The following CEP170 variants were observed in gnomAD, a reference collection of about 807,000 sequenced individuals.
CEP170 encodes centrosomal protein 170.
In CEP170, 21 loss-of-function variants were observed where a neutral mutation model predicts 151.9. The ratio of observed to expected loss-of-function variants is 0.14; its 90% confidence interval spans 0.10 to 0.20. The LOEUF (loss-of-function observed/expected upper bound fraction) is 0.20, where lower values mean the gene tolerates loss of function less well. Ranked by LOEUF, CEP170 falls within the 10% of genes least tolerant of loss-of-function variation. The pLI is 1.00. For synonymous variants in CEP170, 356 were observed against 648.8 expected, an observed-to-expected ratio of 0.55 and a Z score of 6.86; for missense variants, 964 against 1,892.9, an observed-to-expected ratio of 0.51 and a Z score of 9.11.
At chr1:243,229,198 T>C (rs1208492983) in intron 1 of CEP170, among the ~76,000 whole-genome samples, 1 of 152,156 alleles carries the variant, frequency 6.6e-6, no homozygotes, top group Non-Finnish European at 1.5e-5. Flanking sequence ...TTCCGCTAAA[T>C]GGTGGGAAAG....
chr1:243,234,090 C>A (rs1360345053), intron 1 of CEP170, among the ~76,000 whole-genome samples: 1 of 152,168 alleles, frequency 6.6e-6, no homozygotes, highest in Non-Finnish European at 1.5e-5. Flanking sequence ...TGATTCATCA[C>A]CAGATGGCTT....
Position 243,140,017 on chromosome 1 carries a change from A to G in CEP170, c.4150T>C (p.Ser1384Pro), listed in dbSNP as rs2055638884. The G allele has an allele frequency of 1.2e-6, 2 of 1,613,986 alleles. No individual in the cohort carries two copies. Among genetic ancestry groups the G allele is most frequent in the Non-Finnish European group, 1.7e-6 (2 of 1,179,874 alleles). ...GCTGCTTGAGGTCTTGGATCACCAG[A>G]TCGACCGTTGTTTCCTTCTGGTGTT... ...SKTPEGNNGRSGDPRPQAAEP... is the reference protein window; with the variant it reads ...SKTPEGNNGRPGDPRPQAAEP... Residue 1384 changes from serine (S) to proline (P), a missense_variant, in exon 16 of 20, where the codon TCT becomes CCT. By Grantham distance (74) the Ser-to-Pro change is moderately conservative. Coordinates refer to ENST00000366542, the MANE Select transcript of CEP170 (RefSeq NM_014812.3).
At chr1:243,157,965 T>C (rs1242735647) in intron 13 of CEP170, among the ~76,000 whole-genome samples, 1 of 152,234 alleles carries the variant, frequency 6.6e-6, no homozygotes, top group African/African-American at 2.4e-5. Context: ...CAAATGCATA[T>C]ACTAGGTAAT....
At chr1:243,176,364 C>T (rs1350829277) in intron 10 of CEP170, among the ~76,000 whole-genome samples, 2 of 152,162 alleles carry the variant, frequency 1.3e-5, no homozygotes, top group African/African-American at 4.8e-5. Flanking sequence ...CCTTTGTGAA[C>T]TTGCACTTGC....
At chr1:243,163,260 A>C (rs897811337) in intron 13 of CEP170, 3 of 152,232 alleles carry the variant, frequency 2.0e-5, no homozygotes, top group Non-Finnish European at 4.4e-5. Context: ...TTAACTCAAG[A>C]CTTAGGGCTT....
chr1:243,216,243 G>A (rs1388718055), intron 3 of CEP170, among the ~76,000 whole-genome samples: 1 of 151,852 alleles, frequency 6.6e-6, no homozygotes, highest in Non-Finnish European at 1.5e-5. Context: ...GGGTACATGT[G>A]CACAATGTGC....
chr1:243,189,806 C>A (rs1336524346), intron 8 of CEP170, among the ~76,000 whole-genome samples: 2 of 152,074 alleles, frequency 1.3e-5, no homozygotes, highest in Non-Finnish European at 2.9e-5. Context: ...TATAAACAGC[C>A]TATGTGTTTG....
chr1:243,197,572 G>A (rs1008554395), intron 7 of CEP170, among the ~76,000 whole-genome samples: 2 of 151,938 alleles, frequency 1.3e-5, no homozygotes, highest in African/African-American at 2.4e-5. Context: ...TAACGTTTTC[G>A]CTTTCCTGTT....
chr1:243,248,836 C>T (rs757058968), intron 1 of CEP170, among the ~76,000 whole-genome samples: 22 of 152,120 alleles, frequency 1.4e-4, no homozygotes, highest in Non-Finnish European at 2.4e-4. Context: ...CTCTATGCAA[C>T]CTCATTTCCT....
At chr1:243,201,380 T>C (rs2061020241) in intron 4 of CEP170, among the ~76,000 whole-genome samples, 1 of 152,134 alleles carries the variant, frequency 6.6e-6, no homozygotes, top group South Asian at 2.1e-4. Flanking sequence ...CAAGGTCGTA[T>C]TACATTATCA....
chr1:243,190,587 A>C (rs1452061989), intron 8 of CEP170, among the ~76,000 whole-genome samples: 1 of 152,178 alleles, frequency 6.6e-6, no homozygotes, highest in Non-Finnish European at 1.5e-5. Context: ...TGCATTACCA[A>C]AGTAGAACTT....
intron 4 of CEP170, among the ~76,000 whole-genome samples, chr1:243,209,051 C>G (rs2061601174): frequency 6.6e-6 from 1 of 152,144 alleles, no homozygotes; most frequent in Non-Finnish European, 1.5e-5. Context: ...ATTTTAAAAG[C>G]TTGTATATTT....
intron 16 of CEP170, 35 bp from the exon 17 acceptor site, chr1:243,136,266 T>C (rs1316954477): frequency 7.1e-7 from 1 of 1,416,380 alleles, no homozygotes; most frequent in Non-Finnish European, 9.6e-7. Context: ...GATATTAAAA[T>C]ATTACCCCTG....
intron 1 of CEP170, among the ~76,000 whole-genome samples, chr1:243,226,697 A>G (rs946121359): frequency 3.9e-5 from 6 of 152,194 alleles, no homozygotes; most frequent in African/African-American, 1.4e-4. Context: ...TTATAGGAAA[A>G]TCCATCTTAT....
At chr1:243,144,593 A>G (rs2056245467) in intron 14 of CEP170, among the ~76,000 whole-genome samples, 1 of 152,152 alleles carries the variant, frequency 6.6e-6, no homozygotes, top group Non-Finnish European at 1.5e-5. Flanking sequence ...CCAAAACTCT[A>G]TTTTTCATTA....
chr1:243,167,873 A>G (rs1358817640), intron 12 of CEP170, among the ~76,000 whole-genome samples: 1 of 151,860 alleles, frequency 6.6e-6, no homozygotes. Flanking sequence ...AGTATTTCTC[A>G]TACTGCCCCC....
chr1:243,151,941 T>C (rs1321981360), intron 14 of CEP170, among the ~76,000 whole-genome samples: 2 of 152,106 alleles, frequency 1.3e-5, no homozygotes, highest in South Asian at 2.1e-4. Flanking sequence ...CCAAAAGTCA[T>C]AGGGCCCTTA....
chr1:243,176,659 T>G (rs1246312493), intron 10 of CEP170: 3 of 214,380 alleles, frequency 1.4e-5, no homozygotes, highest in African/African-American at 2.3e-5. Context: ...CAGTGGCTAC[T>G]GTAAACAATT....
intron 14 of CEP170, among the ~76,000 whole-genome samples, chr1:243,154,972 A>G (rs936857924): frequency 4.6e-5 from 7 of 152,172 alleles, no homozygotes; most frequent in Admixed American, 6.5e-5. Flanking sequence ...TGATGAGACA[A>G]GAGTAAGACC....
Sources: allele counts gnomAD v4.1 joint callset (sites outside exome capture counted in the v4.1 genomes callset), GRCh38; gene constraint gnomAD v4.1.1; transcripts MANE v1.5; gene names NCBI Gene and HGNC (gene_info 2026-07-23, HGNC 2026-07-21).